PROC: variants seen among roughly 807,000 people sequenced by gnomAD.
PROC encodes the protein vitamin K-dependent protein C.
Under a neutral mutation model 36.3 loss-of-function variants are expected in PROC, and 22 were observed. The ratio of observed to expected loss-of-function variants is 0.61; its 90% CI spans 0.43 to 0.86. The LOEUF is 0.86. Among genes scored for constraint, PROC ranks in the 40% least tolerant of loss-of-function variants. PROC has a pLI of 0.00. For missense variants in PROC, 526 were observed against 629.7 expected (o/e 0.84, Z 1.76); for synonymous variants, 218 against 244.5 (o/e 0.89, Z 1.01).
rs148490199 is a variant in PROC at position 127,419,972 on chromosome 2, C to T, written c.30C>T (p.Phe10=). The T allele has an allele frequency of 2.5e-4, 409 of 1,613,872 alleles. 3 individuals carry two copies. In the Admixed American group the frequency reaches 5.8e-3, roughly 23 times the overall value. Residue 10 remains phenylalanine, a synonymous_variant, in exon 2 of 9, where the codon TTC becomes TTT. Coordinates refer to ENST00000234071, the MANE Select transcript of PROC (RefSeq NM_000312.4). ...GGCAGCTCACAAGCCTCCTGCTGTT[C>T]GTGGCCACCTGGGGAATTTCCGGCA... MWQLTSLLL[F]VATWGISGTP...
chr2:127,421,875 T>A (rs1157345899), intron 3 of PROC, among the ~76,000 whole-genome samples: 1 of 152,160 alleles, frequency 6.6e-6, no homozygotes, highest in African/African-American at 2.4e-5. Context: ...GTGCCTCACA[T>A]CAAAGGGAGA....
chr2:127,423,562 A>C, intron 6 of PROC, 154 bp downstream of exon 6: 1 of 973,836 alleles, frequency 1.0e-6, no homozygotes, highest in Non-Finnish European at 1.4e-6. Context: ...GCGCCCCAAC[A>C]CCGGGGCCAC....
At chr2:127,425,400 TTTTGAGCAGAGTCGGGCCGACC>T (rs1688425451) in intron 6 of PROC, among the ~76,000 whole-genome samples, 1 of 152,244 alleles carries the variant, frequency 6.6e-6, no homozygotes, top group South Asian at 2.1e-4. Flanking sequence ...TCAAGGCCCA[TTTTGAGCAGAGTCGGGCCGACC>T]TTTCAGCCCT....
At chr2:127,421,153 A>G in intron 2 of PROC, 130 bp from the exon 3 acceptor site, 1 of 917,542 alleles carries the variant, frequency 1.1e-6, no homozygotes. Context: ...CTAGAATTAG[A>G]ATGAGTCTTG....
chr2:127,418,574 G>A lies in PROC; in HGVS notation c.-22+82G>A. On this transcript the variant is annotated intron_variant, in intron 1 of 8. Transcript: ENST00000234071. The surrounding 1 kb of genome is among the most constrained non-coding windows in gnomAD (Gnocchi z 4.8). ...AGAAGAGAGCTAGGTGGTGATGAGG[G>A]CTGAATCCTCCAGCCAGGGTGCTCA... 6 of 1,196,484 alleles carry A rather than the reference G, an allele frequency of 5.0e-6. No homozygotes were observed. Among genetic ancestry groups the A allele is most frequent in the Non-Finnish European group, 6.6e-6 (6 of 905,182 alleles). 74.1% of individuals were successfully genotyped at this position (1,196,484 alleles called of 1,614,324 possible).
chr2:127,423,237 A>G (rs752855475), intron 5 of PROC, 37 bp from the exon 6 acceptor site: 1 of 1,531,316 alleles, frequency 6.5e-7, no homozygotes, highest in South Asian at 1.2e-5. Flanking sequence ...GGGGCGCGGC[A>G]CCAGCACCAG....
At chr2:127,422,590 G>C (rs1305524127) in intron 3 of PROC, among the ~76,000 whole-genome samples, 1 of 152,266 alleles carries the variant, frequency 6.6e-6, no homozygotes, top group East Asian at 1.9e-4. Context: ...GAAGGAGGCC[G>C]AGTGACTTGG....
rs1687895915 is a variant in PROC at position 127,418,551 on chromosome 2, AAGAG to A, written c.-22+62_-22+65del. ...GTGGAGGGAGGGCTGCCCCCGGGAGAAGAGAGCTAGGTGGTGATGAGGGCTGAAT... is the reference window on the plus strand; with the variant it reads ...GTGGAGGGAGGGCTGCCCCCGGGAGAAGCTAGGTGGTGATGAGGGCTGAAT... On this transcript the variant is annotated intron_variant, in intron 1 of 8. Transcript: ENST00000234071. The surrounding 1 kb of genome is among the most constrained non-coding windows in gnomAD (Gnocchi z 4.8). The A allele has an allele frequency of 1.3e-5, 16 of 1,270,514 alleles. No homozygotes were observed. Among genetic ancestry groups the A allele is most frequent in the Non-Finnish European group, 2.1e-6 (2 of 971,686 alleles). The allele number at this position is 1,270,514 out of a possible 1,614,324, so 78.7% of individuals were successfully genotyped here.
Position 127,428,539 on chromosome 2 carries a change from G to C in PROC, c.979G>C (p.Glu327Gln). The change falls in exon 9 of 9, where the codon GAG (glutamate) becomes CAG (glutamine). Residue 327 changes from glutamate to glutamine, a missense_variant. Physicochemically the swap from Glu to Gln is conservative, Grantham distance 29 (BLOSUM62 2). Coordinates refer to ENST00000234071, the MANE Select transcript of PROC (RefSeq NM_000312.4). Reference protein sequence around the residue: ...PICLPDSGLAERELNQAGQET... With the variant: ...PICLPDSGLAQRELNQAGQET... ...CTGCCTCCCGGACAGCGGCCTTGCAGAGCGCGAGCTCAATCAGGCCGGCCA... is the reference window on the plus strand; with the variant it reads ...CTGCCTCCCGGACAGCGGCCTTGCACAGCGCGAGCTCAATCAGGCCGGCCA... 1 of 1,613,958 alleles carries C rather than the reference G, an allele frequency of 6.2e-7. No homozygotes were observed. The highest frequency in any genetic ancestry group is 8.5e-7 in the Non-Finnish European group (1 of 1,180,046).
rs773327173 is a variant in PROC at position 127,426,145 on chromosome 2, G to A, written c.596G>A (p.Arg199Gln). The stretch of plus-strand genomic sequence containing the variant: ...GAGAAGAAGCGCAGTCACCTGAAAC[G>A]AGACACAGAAGACCAAGAAGACCAA... The part of the protein sequence containing the change: ...RMEKKRSHLK[R>Q]DTEDQEDQVD... The change falls in exon 7 of 9, where the codon CGA becomes CAA. Residue 199 changes from arginine (R) to glutamine (Q), a missense_variant. Arg to Gln is a conservative substitution (Grantham distance 43). Transcript: ENST00000234071. This position sits in a 1 kb window ranked among gnomAD's most constrained non-coding sequence, Gnocchi z 7.0. 21 of 1,614,126 alleles carry A rather than the reference G, an allele frequency of 1.3e-5. No homozygotes were observed. The highest frequency in any genetic ancestry group is 4.4e-5 in the South Asian group (4 of 91,086).
chr2:127,423,253 C>G (rs757439108), intron 5 of PROC, 21 bp from the exon 6 acceptor site: 2 of 1,540,270 alleles, frequency 1.3e-6, no homozygotes, highest in Non-Finnish European at 1.8e-6. Flanking sequence ...ACCAGCTGCC[C>G]GCGCCCTCCC....
In PROC at chr2:127,426,423, G is replaced by T; in HGVS notation, c.678+196G>T. 3 of 689,098 alleles carry T rather than the reference G, an allele frequency of 4.4e-6. No homozygotes were observed. The highest frequency in any genetic ancestry group is 2.4e-5 in the Admixed American group (1 of 41,138). The allele number at this position is 689,098 out of a possible 1,614,324, so 42.7% of individuals were successfully genotyped here. A position where few individuals can be genotyped will look rare whatever the true frequency, so the allele number is the denominator to read the frequency against. On this transcript the variant is annotated intron_variant, in intron 7 of 8. Coordinates refer to ENST00000234071, the MANE Select transcript of PROC (RefSeq NM_000312.4). The surrounding 1 kb of genome is among the most constrained non-coding windows in gnomAD (Gnocchi z 7.0). Reference sequence around the variant, plus strand: ...GAGGAGCAGCCAGGGTGGGTGAGGGGAGGGGCATGGGGGCATGGAGGGGTC... The same window carrying T: ...GAGGAGCAGCCAGGGTGGGTGAGGGTAGGGGCATGGGGGCATGGAGGGGTC...
intron 1 of PROC, among the ~76,000 whole-genome samples, chr2:127,419,030 G>A (rs936230788): frequency 6.6e-6 from 1 of 152,150 alleles, no homozygotes; most frequent in African/African-American, 2.4e-5. Context: ...TGCGAGTAAT[G>A]CATGGATGTA....
At chr2:127,427,778 C>T (rs1437958479) in intron 8 of PROC, among the ~76,000 whole-genome samples, 4 of 152,254 alleles carry the variant, frequency 2.6e-5, no homozygotes, top group African/African-American at 9.6e-5. Context: ...AGGCCAAATT[C>T]ACATTTCCTA....
rs542542577 is a variant in PROC at position 127,418,487 on chromosome 2, G to C, written c.-27G>C. 11 of 1,289,780 alleles carry C rather than the reference G, an allele frequency of 8.5e-6. No homozygotes were observed. The African/African-American group carries it at 1.7e-4, about 20-fold the overall frequency. 79.9% of individuals were successfully genotyped at this position (1,289,780 alleles called of 1,614,324 possible). On this transcript the variant is annotated 5_prime_UTR_variant, in exon 1 of 9. Coordinates refer to ENST00000234071, the MANE Select transcript of PROC (RefSeq NM_000312.4). This position sits in a 1 kb window ranked among gnomAD's most constrained non-coding sequence, Gnocchi z 4.8. ...CGAACTTGCAGTATCTCCACGACCC[G>C]CCCCTGTGAGTCCCCCTCCAGGCAG...
In PROC at chr2:127,422,933, A is replaced by G. The variant is rs768719609; in HGVS notation, c.254A>G (p.Lys85Arg). The change falls in exon 4 of 9, where the codon AAG becomes AGG. Residue 85 changes from lysine to arginine, a missense_variant. By Grantham distance (26) the Lys-to-Arg change is conservative. Transcript: ENST00000234071. Reference protein sequence around the residue: ...NVDDTLAFWSKHVDGDQCLVL... With the variant: ...NVDDTLAFWSRHVDGDQCLVL... ...TCTCCGCAGCTGGCCTTCTGGTCCA[A>G]GCACGTCGGTGAGTGCGTTCTAGAT... is the stretch of plus-strand genomic sequence containing the variant. 1.9e-6 allele frequency: 3 copies of G among 1,586,502 alleles called. 1 individual carries two copies. In the South Asian group the frequency reaches 3.4e-5, roughly 18 times the overall value.
rs1688483551 is a variant in PROC at position 127,426,164 on chromosome 2, A to C, written c.615A>C (p.Glu205Asp). 1.2e-6 allele frequency: 2 copies of C among 1,614,012 alleles called. No homozygotes were observed. Among genetic ancestry groups the C allele is most frequent in the East Asian group, 4.5e-5 (2 of 44,894 alleles). The change falls in exon 7 of 9, where the codon GAA (glutamate) becomes GAC (aspartate). Residue 205 changes from glutamate to aspartate, a missense_variant. Transcript: ENST00000234071. This position sits in a 1 kb window ranked among gnomAD's most constrained non-coding sequence, Gnocchi z 7.0. ...TGAAACGAGACACAGAAGACCAAGAAGACCAAGTAGATCCGCGGCTCATTG... is the reference window on the plus strand; with the variant it reads ...TGAAACGAGACACAGAAGACCAAGACGACCAAGTAGATCCGCGGCTCATTG... ...SHLKRDTEDQEDQVDPRLIDG... is the reference protein window; with the variant it reads ...SHLKRDTEDQDDQVDPRLIDG...
chr2:127,420,154 T>A (rs1688006332), intron 2 of PROC, 142 bp downstream of exon 2: 1 of 1,058,574 alleles, frequency 9.4e-7, no homozygotes. Flanking sequence ...AGGAATCAAC[T>A]GACAAGTCCC....
chr2:127,427,319 T>G, intron 8 of PROC, 97 bp downstream of exon 8: 1 of 1,090,556 alleles, frequency 9.2e-7, no homozygotes, highest in East Asian at 2.4e-5. Context: ...CCCCAGGTGC[T>G]TAAGCAAGAG....
Sources: gnomAD v4.1 joint callset for allele counts (sites outside exome capture counted in the v4.1 genomes callset) on GRCh38, gnomAD v4.1.1 for gene constraint, Gnocchi (gnomAD v3.1) non-coding constraint, MANE v1.5 for transcripts, NCBI Gene and HGNC (gene_info 2026-07-23, HGNC 2026-07-21) for gene names.